SP140L: variants seen among roughly 807,000 people sequenced by gnomAD.
The protein encoded by SP140L is SP140 like nuclear body protein.
SP140L carries 64 observed loss-of-function variants against 84.3 expected under a neutral mutation model. The observed-to-expected ratio is 0.76, with a 90% CI of 0.62 to 0.94. The LOEUF (loss-of-function observed/expected upper bound fraction) is 0.94. Among genes scored for constraint, SP140L ranks in the 40% least tolerant of loss-of-function variants. The pLI is 0.00. For missense variants in SP140L, 628 were observed against 692.5 expected (o/e 0.91, Z 1.05); for synonymous variants, 242 against 236.9 (o/e 1.02, Z -0.20).
At chr2:230,372,726 A>C (rs1478220614) in intron 7 of SP140L, 1 of 45,472 alleles carries the variant, frequency 2.2e-5, no homozygotes, top group African/African-American at 6.5e-5. Context: ...CTCCGTCTCA[A>C]AAAAAAAAAA....
intron 5 of SP140L, among the ~76,000 whole-genome samples, chr2:230,362,312 G>C (rs1235287738): frequency 6.6e-6 from 1 of 152,164 alleles, no homozygotes; most frequent in Non-Finnish European, 1.5e-5. Context: ...GATGTTTCAA[G>C]GGTTTTAGGA....
At chr2:230,373,271 T>C (rs1162167885) in intron 7 of SP140L, among the ~76,000 whole-genome samples, 1 of 152,234 alleles carries the variant, frequency 6.6e-6, no homozygotes, top group East Asian at 1.9e-4. Context: ...AGATTTACAG[T>C]GTAGACTAAA....
At chr2:230,397,820 G>A (rs910526016) in intron 14 of SP140L, among the ~76,000 whole-genome samples, 3 of 152,254 alleles carry the variant, frequency 2.0e-5, no homozygotes, top group East Asian at 1.9e-4. Context: ...AGGGACTCAC[G>A]AATGGTTAAA....
chr2:230,358,102 A>C (rs1223989730), intron 3 of SP140L, 135 bp downstream of exon 3: 17 of 1,055,680 alleles, frequency 1.6e-5, no homozygotes, highest in Non-Finnish European at 1.9e-5. Flanking sequence ...CAGCTGAGGA[A>C]ATGGTGTTCC....
intron 13 of SP140L, among the ~76,000 whole-genome samples, chr2:230,394,441 C>G (rs2061959054): frequency 1.3e-5 from 2 of 152,228 alleles, no homozygotes; most frequent in Admixed American, 6.5e-5. Flanking sequence ...AACCTGAGAT[C>G]CAGGCCTTTA....
At chr2:230,361,838 T>G (rs1043671307) in intron 5 of SP140L, 141 bp downstream of exon 5, 1 of 641,212 alleles carries the variant, frequency 1.6e-6, no homozygotes, top group African/African-American at 1.8e-5. Flanking sequence ...AGGAGGGGGT[T>G]GTATGAGCTC....
In SP140L at chr2:230,339,412, G is replaced by A. The variant is rs200221177; in HGVS notation, c.107+10581G>A. Among the ~76,000 whole-genome samples the A allele has an allele frequency of 8.6e-3, 958 of 111,918 alleles. 4 individuals are homozygous for A. Among genetic ancestry groups the A allele is most frequent in the African/African-American group, 0.026 (752 of 29,244 alleles). The allele number at this position is 111,918 out of a possible 152,430, so 73.4% of individuals were successfully genotyped here. A position where few individuals can be genotyped will look rare whatever the true frequency, so the allele number is the denominator to read the frequency against. ...TTTTTTCTTTATTAGTCTTGCTAGC[G>A]GTCTATCAATTTTGTTGATCCTTTC... On this transcript the variant is annotated intron_variant, in intron 2 of 18. Transcript: ENST00000415673.
At chr2:230,363,383 G>T (rs1227586199) in intron 5 of SP140L, among the ~76,000 whole-genome samples, 1 of 152,062 alleles carries the variant, frequency 6.6e-6, no homozygotes, top group Non-Finnish European at 1.5e-5. Flanking sequence ...GATAGTCATT[G>T]TGGTTTCAAT....
chr2:230,402,733 T>C (rs772435545), intron 18 of SP140L, 65 bp from the exon 19 acceptor site: 4 of 1,233,846 alleles, frequency 3.2e-6, no homozygotes, highest in African/African-American at 3.0e-5. Flanking sequence ...TCATTCTCAG[T>C]TGAAAGGTAT....
intron 14 of SP140L, among the ~76,000 whole-genome samples, chr2:230,398,342 G>C (rs763182148): frequency 6.6e-6 from 1 of 152,122 alleles, no homozygotes; most frequent in Non-Finnish European, 1.5e-5. Context: ...GTACAGCCAG[G>C]CCAACAACTA....
Position 230,357,773 on chromosome 2 carries a change from G to A in SP140L, c.108-32G>A. 1.3e-6 allele frequency: 2 copies of A among 1,584,820 alleles called. 1 individual carries two copies. Among genetic ancestry groups the A allele is most frequent in the South Asian group, 2.3e-5 (2 of 86,510 alleles). On this transcript the variant is annotated intron_variant, in intron 2 of 18. Transcript: ENST00000415673. ...TCCACAAACATCTCAGAATCTTGAT[G>A]ACCATTTTCATTTGGTGTCCTTTTT...
rs150674483 is a variant in SP140L at position 230,396,617 on chromosome 2, A to G, written c.1156-140A>G. ...TAAAGCACTGGAGCCACCCCAGCCT[A>G]CTGGCCTTCATCTCCTCCCAATTAT... On this transcript the variant is annotated intron_variant, in intron 13 of 18. Coordinates refer to ENST00000415673, the MANE Select transcript of SP140L (RefSeq NM_138402.6). 453 of 929,494 alleles carry G rather than the reference A, an allele frequency of 4.9e-4. 3 individuals carry two copies. In the East Asian group the frequency reaches 0.011, roughly 23 times the overall value. 57.6% of individuals were successfully genotyped at this position (929,494 alleles called of 1,614,324 possible).
intron 5 of SP140L, among the ~76,000 whole-genome samples, chr2:230,362,477 A>T (rs1305131698): frequency 2.0e-5 from 3 of 152,124 alleles, no homozygotes; most frequent in Non-Finnish European, 4.4e-5. Context: ...ATGTAGAGAG[A>T]CTCAGAGAGG....
chr2:230,330,076 C>G (rs769644896), intron 2 of SP140L, among the ~76,000 whole-genome samples: 4 of 152,148 alleles, frequency 2.6e-5, no homozygotes, highest in Non-Finnish European at 4.4e-5. Flanking sequence ...CCTGCTGTGG[C>G]TTTACAACCC....
chr2:230,379,341 C>G (rs1333117500), intron 7 of SP140L, among the ~76,000 whole-genome samples: 1 of 151,966 alleles, frequency 6.6e-6, no homozygotes, highest in East Asian at 1.9e-4. Context: ...TATATTCTCC[C>G]TTTTCCCCCT....
At chr2:230,385,145 C>G in intron 8 of SP140L, 79 bp from the exon 9 acceptor site, 1 of 1,419,272 alleles carries the variant, frequency 7.0e-7, no homozygotes, top group Admixed American at 1.9e-5. Flanking sequence ...CCCAGGACTC[C>G]CTCACTTGCG....
In SP140L at chr2:230,330,603, A is replaced by C. The variant is rs531950532; in HGVS notation, c.107+1772A>C. 2.0e-5 allele frequency among the ~76,000 whole-genome samples: 3 copies of C among 152,342 alleles called. No homozygotes were observed. In the South Asian group the frequency reaches 6.2e-4, roughly 32 times the overall value. On this transcript the variant is annotated intron_variant, in intron 2 of 18. Transcript: ENST00000415673. ...CCTTCCATTCTCATGAATATGGCTC[A>C]CGTATATGATTAGTTTAGAAATGTT...
At chr2:230,373,292 T>C (rs965933779) in intron 7 of SP140L, among the ~76,000 whole-genome samples, 18 of 152,188 alleles carry the variant, frequency 1.2e-4, no homozygotes, top group Non-Finnish European at 2.1e-4. Flanking sequence ...CAGCCTTCCA[T>C]TGAAAGAAGA....
At chr2:230,385,652 G>C (rs937278846) in intron 9 of SP140L, among the ~76,000 whole-genome samples, 7 of 152,140 alleles carry the variant, frequency 4.6e-5, no homozygotes, top group African/African-American at 1.7e-4. Context: ...CCTCCTCCTA[G>C]ATAAGTTATT....
Sources: allele counts gnomAD v4.1 joint callset (sites outside exome capture counted in the v4.1 genomes callset), GRCh38; gene constraint gnomAD v4.1.1; transcripts MANE v1.5; gene names NCBI Gene and HGNC (gene_info 2026-07-23, HGNC 2026-07-21).